CAMK1D: variants seen among roughly 807,000 people sequenced by gnomAD.
The protein encoded by CAMK1D is calcium/calmodulin dependent protein kinase ID, also known as calcium/calmodulin-dependent protein kinase type 1D.
Under a neutral mutation model 47.7 loss-of-function variants are expected in CAMK1D, and 9 were observed. The ratio of observed to expected loss-of-function variants is 0.19; its 90% CI spans 0.11 to 0.33. The LOEUF is 0.33. Among genes scored for constraint, CAMK1D ranks in the 10% least tolerant of loss-of-function variants. The pLI, the probability that CAMK1D is intolerant of heterozygous loss-of-function variation, is 1.00. For synonymous variants in CAMK1D, 184 were observed against 184.9 expected, an observed-to-expected ratio of 0.99 and a Z score of 0.04; for missense variants, 291 against 488.7, an observed-to-expected ratio of 0.60 and a Z score of 3.81.
chr10:12,592,512 C>T (rs1838027461), intron 2 of CAMK1D, among the ~76,000 whole-genome samples: 1 of 152,162 alleles, frequency 6.6e-6, no homozygotes, highest in Non-Finnish European at 1.5e-5. Flanking sequence ...GGGTAGGCGA[C>T]AGGGATTTAG....
intron 3 of CAMK1D, among the ~76,000 whole-genome samples, chr10:12,713,954 T>C (rs1393601057): frequency 6.6e-6 from 1 of 152,228 alleles, no homozygotes; most frequent in Non-Finnish European, 1.5e-5. Flanking sequence ...CAAACTGTAA[T>C]CAGAAGATCG....
At chr10:12,818,788 C>G (rs1832906548) in intron 8 of CAMK1D, among the ~76,000 whole-genome samples, 1 of 152,060 alleles carries the variant, frequency 6.6e-6, no homozygotes, top group Non-Finnish European at 1.5e-5. Flanking sequence ...CACCATCACA[C>G]TGGAAGGAGA....
chr10:12,773,639 TC>T (rs1837144255), intron 5 of CAMK1D, among the ~76,000 whole-genome samples: 1 of 152,186 alleles, frequency 6.6e-6, no homozygotes. Context: ...ATGCCTGTAA[TC>T]CCAGCTCCTT....
intron 1 of CAMK1D, among the ~76,000 whole-genome samples, chr10:12,445,581 C>T (rs948856944): frequency 2.0e-5 from 3 of 152,154 alleles, no homozygotes; most frequent in African/African-American, 4.8e-5. Flanking sequence ...GTACTGTTAA[C>T]GTGCTTTTTT....
chr10:12,650,917 C>T (rs1217733528), intron 2 of CAMK1D, among the ~76,000 whole-genome samples: 1 of 152,214 alleles, frequency 6.6e-6, no homozygotes, highest in Non-Finnish European at 1.5e-5. Context: ...CACACCCTTA[C>T]TGCAGGGTTC....
intron 1 of CAMK1D, among the ~76,000 whole-genome samples, chr10:12,373,635 A>AAAACAAAAACAAACAAACAAACAAAC: frequency 6.6e-6 from 1 of 152,150 alleles, no homozygotes; most frequent in African/African-American, 2.4e-5. Flanking sequence ...CCATCTCAAA[A>AAAACAAAAACAAACAAACAAACAAAC]AAACAAACAA....
intron 3 of CAMK1D, among the ~76,000 whole-genome samples, chr10:12,732,479 G>C (rs184387843): frequency 6.6e-6 from 1 of 152,190 alleles, no homozygotes; most frequent in East Asian, 1.9e-4. Context: ...TGGACTTACA[G>C]TTCCACATGG....
intron 1 of CAMK1D, among the ~76,000 whole-genome samples, chr10:12,452,538 A>G (rs1049984701): frequency 6.6e-6 from 1 of 151,990 alleles, no homozygotes; most frequent in African/African-American, 2.4e-5. Context: ...ATTATGGTCC[A>G]TATATCAATA....
intron 1 of CAMK1D, among the ~76,000 whole-genome samples, chr10:12,372,783 C>G (rs1017103426): frequency 1.4e-5 from 2 of 147,342 alleles, no homozygotes; most frequent in East Asian, 3.9e-4. Flanking sequence ...CACATGCCAC[C>G]AGGCTCAGCT....
chr10:12,407,778 TC>T (rs944689660), intron 1 of CAMK1D, among the ~76,000 whole-genome samples: 8 of 150,604 alleles, frequency 5.3e-5, no homozygotes, highest in African/African-American at 1.5e-4. Flanking sequence ...TCTAGGTACT[TC>T]CCCCCCGGGA....
intron 5 of CAMK1D, among the ~76,000 whole-genome samples, chr10:12,773,130 C>T (rs1837117264): frequency 6.6e-6 from 1 of 152,224 alleles, no homozygotes; most frequent in African/African-American, 2.4e-5. Context: ...ATCTGTGTCT[C>T]TCACTGCACT....
chr10:12,381,120 A>G (rs1838328519), intron 1 of CAMK1D, among the ~76,000 whole-genome samples: 4 of 152,242 alleles, frequency 2.6e-5, no homozygotes, highest in Admixed American at 1.3e-4. Context: ...AATGAAAAGA[A>G]CTGGTCATGT....
chr10:12,746,363 C>CAAAAAAAAAAAAAAAAAAAA (rs542434085), intron 3 of CAMK1D, among the ~76,000 whole-genome samples: 36 of 86,820 alleles, frequency 4.1e-4, no homozygotes, highest in African/African-American at 1.5e-3. Flanking sequence ...GACTCCGTCT[C>CAAAAAAAAAAAAAAAAAAAA]AAAAAAAAAA....
At chr10:12,676,331 T>A (rs143240043) in intron 3 of CAMK1D, among the ~76,000 whole-genome samples, 502 of 152,272 alleles carry the variant, frequency 3.3e-3, no homozygotes, top group African/African-American at 0.011. Flanking sequence ...TTCACTGACA[T>A]ATACCCCAAG....
chr10:12,554,712 A>C (rs1465507437), intron 2 of CAMK1D, among the ~76,000 whole-genome samples: 4 of 113,548 alleles, frequency 3.5e-5, no homozygotes, highest in Admixed American at 3.4e-4. Context: ...AATTAAAAAA[A>C]AATTTTTTTT....
chr10:12,744,101 G>C (rs958800869), intron 3 of CAMK1D, among the ~76,000 whole-genome samples: 8 of 151,926 alleles, frequency 5.3e-5, no homozygotes, highest in African/African-American at 1.9e-4. Flanking sequence ...TTTGTGTCTG[G>C]TTCCTTCCCT....
At chr10:12,469,524 G>A (rs981532133) in intron 1 of CAMK1D, among the ~76,000 whole-genome samples, 1 of 151,944 alleles carries the variant, frequency 6.6e-6, no homozygotes, top group East Asian at 1.9e-4. Context: ...CTACAGTCAT[G>A]GCAAATAAAC....
At chr10:12,433,527 G>A (rs1465532135) in intron 1 of CAMK1D, among the ~76,000 whole-genome samples, 4 of 152,126 alleles carry the variant, frequency 2.6e-5, no homozygotes, top group Non-Finnish European at 5.9e-5. Context: ...CGAGGAAAGC[G>A]GAATCTGGTG....
At chr10:12,770,140 T>G (rs540995985) in intron 5 of CAMK1D, among the ~76,000 whole-genome samples, 1 of 152,324 alleles carries the variant, frequency 6.6e-6, no homozygotes, top group South Asian at 2.1e-4. Flanking sequence ...GGATTTACAA[T>G]GAGACACTGA....
Sources: allele counts gnomAD v4.1 joint callset (sites outside exome capture counted in the v4.1 genomes callset), GRCh38; gene constraint gnomAD v4.1.1; transcripts MANE v1.5; gene names NCBI Gene and HGNC (gene_info 2026-07-23, HGNC 2026-07-21).